The following TACR3 variants were observed in gnomAD, a reference collection of about 807,000 sequenced individuals.
TACR3 encodes the protein tachykinin receptor 3, also known as neuromedin-K receptor.
TACR3 carries 34 observed loss-of-function variants against 35.0 expected under a neutral mutation model. The observed-to-expected ratio is 0.97, with a 90% CI of 0.74 to 1.30. The LOEUF is 1.30. Among genes scored for constraint, TACR3 ranks in the 50% most tolerant of loss-of-function variants. The pLI is 0.00. For missense variants in TACR3, 558 were observed against 591.7 expected (o/e 0.94, Z 0.59); for synonymous variants, 233 against 221.1 (o/e 1.05, Z -0.48).
chr4:103,711,926 C>A (rs1722972974), intron 1 of TACR3, among the ~76,000 whole-genome samples: 3 of 152,070 alleles, frequency 2.0e-5, no homozygotes, highest in African/African-American at 4.8e-5. Flanking sequence ...ACCTAGGAAT[C>A]CAACTTACAA....
At chr4:103,679,549 T>C (rs569082872) in intron 1 of TACR3, among the ~76,000 whole-genome samples, 52 of 152,132 alleles carry the variant, frequency 3.4e-4, no homozygotes, top group African/African-American at 1.1e-3. Context: ...TTTATATGCA[T>C]TGAAAAGACA....
intron 1 of TACR3, among the ~76,000 whole-genome samples, chr4:103,684,987 T>TTAAA (rs146299787): frequency 0.2 from 28,551 of 141,948 alleles, 3,021 homozygotes; most frequent in Non-Finnish European, 0.23. Flanking sequence ...CATCTCAAAA[T>TTAAA]TAAATAAATA....
intron 1 of TACR3, among the ~76,000 whole-genome samples, chr4:103,711,561 G>A (rs1415190527): frequency 6.6e-6 from 1 of 152,138 alleles, no homozygotes; most frequent in African/African-American, 2.4e-5. Flanking sequence ...AAAACTGGAA[G>A]CATTCCCTTT....
intron 3 of TACR3, among the ~76,000 whole-genome samples, chr4:103,624,040 T>C (rs1169031005): frequency 6.6e-6 from 1 of 152,214 alleles, no homozygotes; most frequent in Non-Finnish European, 1.5e-5. Flanking sequence ...AGAAACTTTA[T>C]ATGAAGAGAA....
chr4:103,606,805 C>T (rs978113844), intron 3 of TACR3, among the ~76,000 whole-genome samples: 4 of 152,126 alleles, frequency 2.6e-5, no homozygotes, highest in African/African-American at 9.7e-5. Flanking sequence ...TAATTGAATA[C>T]CCTTTATTTC....
chr4:103,626,878 T>C (rs1234485259), intron 3 of TACR3, among the ~76,000 whole-genome samples: 1 of 151,918 alleles, frequency 6.6e-6, no homozygotes, highest in Admixed American at 6.6e-5. Flanking sequence ...CTATGTATTG[T>C]TTTAATTGTG....
At position 103,697,394 on chromosome 4, in the gene TACR3, A is replaced by ATTTG. The variant is rs1468628685; in HGVS notation, c.548+21733_548+21734insCAAA. On this transcript the variant is annotated intron_variant, in intron 1 of 4. Coordinates refer to ENST00000304883, the MANE Select transcript of TACR3 (RefSeq NM_001059.3). ...TTGGGGGCACTTGTGTTATTTATTT[A>ATTTG]TTTATTTGTTTATTTATTTATTTAT... Among the ~76,000 whole-genome samples the ATTTG allele has an allele frequency of 1.8e-4, 25 of 139,594 alleles. No individual in the cohort carries two copies. The East Asian group carries it at 1.8e-3, about 10-fold the overall frequency. 91.6% of individuals were successfully genotyped at this position (139,594 alleles called of 152,430 possible).
chr4:103,627,869 T>C (rs964095582), intron 3 of TACR3, among the ~76,000 whole-genome samples: 3 of 152,142 alleles, frequency 2.0e-5, no homozygotes, highest in African/African-American at 7.2e-5. Flanking sequence ...ATCACACTTA[T>C]TCTAAAACTG....
chr4:103,644,092 T>G (rs1466524891), intron 3 of TACR3, among the ~76,000 whole-genome samples: 4 of 151,708 alleles, frequency 2.6e-5, no homozygotes, highest in Non-Finnish European at 5.9e-5. Flanking sequence ...CTGCCACACA[T>G]AGAGAGCAGG....
At chr4:103,714,480 A>T (rs188900397) in intron 1 of TACR3, among the ~76,000 whole-genome samples, 1 of 152,188 alleles carries the variant, frequency 6.6e-6, no homozygotes, top group African/African-American at 2.4e-5. Flanking sequence ...ATTGAATGAG[A>T]ATTACAAATT....
chr4:103,684,674 A>T (rs1424348513), intron 1 of TACR3, among the ~76,000 whole-genome samples: 1 of 152,072 alleles, frequency 6.6e-6, no homozygotes, highest in Non-Finnish European at 1.5e-5. Flanking sequence ...CTCCAGTAAG[A>T]TTTCTTTATA....
At chr4:103,689,417 A>G (rs191029413) in intron 1 of TACR3, among the ~76,000 whole-genome samples, 3 of 152,122 alleles carry the variant, frequency 2.0e-5, no homozygotes, top group Admixed American at 6.6e-5. Context: ...AAAAAAGAAA[A>G]GCTTTTTAAA....
chr4:103,593,444 C>T (rs1382111445), intron 3 of TACR3: 1 of 151,948 alleles, frequency 6.6e-6, no homozygotes, highest in Admixed American at 6.6e-5. Flanking sequence ...TGAGTATGAA[C>T]ATGTGCAGAT....
At position 103,689,302 on chromosome 4, in the gene TACR3, A is replaced by G. The variant is rs540953565; in HGVS notation, c.548+29826T>C. ...CATTGGGAGATATACCTAATGCTAGATGACGAGTTAGTGGGTGCAGCGCAC... is the reference window on the plus strand; with the variant it reads ...CATTGGGAGATATACCTAATGCTAGGTGACGAGTTAGTGGGTGCAGCGCAC... On this transcript the variant is annotated intron_variant, in intron 1 of 4. Transcript: ENST00000304883. Among the ~76,000 whole-genome samples the G allele has an allele frequency of 4.6e-5, 7 of 151,650 alleles. No homozygotes were observed. In the South Asian group the frequency reaches 1.5e-3, roughly 32 times the overall value.
rs566226065 is a variant in TACR3 at position 103,634,106 on chromosome 4, C to T, written c.888+22088G>A. On this transcript the variant is annotated intron_variant, in intron 3 of 4. Coordinates refer to ENST00000304883, the MANE Select transcript of TACR3 (RefSeq NM_001059.3). Reference sequence around the variant, plus strand: ...AAGGCAGATGGCATTAACCCTTTTACTTTTGAGAGCACAAAAACCACTGCA... The same window carrying T: ...AAGGCAGATGGCATTAACCCTTTTATTTTTGAGAGCACAAAAACCACTGCA... Among the ~76,000 whole-genome samples the T allele has an allele frequency of 2.0e-5, 3 of 152,178 alleles. No individual in the cohort carries two copies. The East Asian group carries it at 5.8e-4, about 30-fold the overall frequency.
At chr4:103,628,785 C>T (rs1344996029) in intron 3 of TACR3, among the ~76,000 whole-genome samples, 3 of 152,148 alleles carry the variant, frequency 2.0e-5, no homozygotes, top group Non-Finnish European at 4.4e-5. Flanking sequence ...GGAATCCTCC[C>T]TAACTCATTT....
At chr4:103,622,141 C>CT (rs1724796415) in intron 3 of TACR3, among the ~76,000 whole-genome samples, 1 of 152,044 alleles carries the variant, frequency 6.6e-6, no homozygotes, top group East Asian at 1.9e-4. Context: ...TAGCCAAGGA[C>CT]TGAATACATC....
chr4:103,690,657 TA>T (rs1378109800), intron 1 of TACR3, among the ~76,000 whole-genome samples: 1 of 152,094 alleles, frequency 6.6e-6, no homozygotes, highest in Non-Finnish European at 1.5e-5. Flanking sequence ...ATACTCAATC[TA>T]ATAGCACCAA....
At chr4:103,711,534 A>G (rs1157863068) in intron 1 of TACR3, among the ~76,000 whole-genome samples, 1 of 152,210 alleles carries the variant, frequency 6.6e-6, no homozygotes, top group Non-Finnish European at 1.5e-5. Context: ...CACAGCACAT[A>G]TCATAATGAA....
Sources: allele counts gnomAD v4.1 joint callset (sites outside exome capture counted in the v4.1 genomes callset), GRCh38; gene constraint gnomAD v4.1.1; transcripts MANE v1.5; gene names NCBI Gene and HGNC (gene_info 2026-07-23, HGNC 2026-07-21).